Variants in TAF3 observed in about 807,000 individuals in gnomAD.
TAF3 encodes the protein TATA-box binding protein associated factor 3, also known as transcription initiation factor TFIID subunit 3.
In TAF3, 7 loss-of-function variants were observed where a neutral mutation model predicts 80.6. The ratio of observed to expected loss-of-function variants is 0.09; its 90% confidence interval spans 0.05 to 0.16. TAF3 has a LOEUF of 0.16. TAF3 is among the 10% of genes least tolerant of loss of function. The probability of loss-of-function intolerance (pLI) is 1.00; values close to 1 mark genes in which losing one functional copy is unlikely to be tolerated. For synonymous variants in TAF3, 444 were observed against 446.1 expected, an observed-to-expected ratio of 1.00 and a Z score of 0.06; for missense variants, 921 against 1,140.2, an observed-to-expected ratio of 0.81 and a Z score of 2.77.
At chr10:7,977,375 C>T (rs1341893625) in intron 4 of TAF3, 52 bp downstream of exon 4, 6 of 1,552,628 alleles carry the variant, frequency 3.9e-6, no homozygotes, top group Non-Finnish European at 8.9e-7. Flanking sequence ...TTAACCTTCT[C>T]TACTCTTTCC....
intron 2 of TAF3, among the ~76,000 whole-genome samples, chr10:7,841,221 G>T (rs1836909722): frequency 6.6e-6 from 1 of 152,198 alleles, no homozygotes; most frequent in South Asian, 2.1e-4. Flanking sequence ...TATACTGATG[G>T]TGTGCCATTG....
intron 2 of TAF3, among the ~76,000 whole-genome samples, chr10:7,909,837 C>T (rs922522644): frequency 1.3e-5 from 2 of 152,106 alleles, no homozygotes; most frequent in Admixed American, 1.3e-4. Flanking sequence ...TTCCTACTCG[C>T]TGGTAGTGAT....
chr10:7,904,241 T>G (rs1485995675), intron 2 of TAF3, among the ~76,000 whole-genome samples: 1 of 152,192 alleles, frequency 6.6e-6, no homozygotes, highest in Non-Finnish European at 1.5e-5. Flanking sequence ...GGCAGTATGG[T>G]AGTGGCCCAC....
intron 2 of TAF3, among the ~76,000 whole-genome samples, chr10:7,839,311 G>A (rs1342096402): frequency 1.3e-5 from 2 of 152,086 alleles, no homozygotes; most frequent in Non-Finnish European, 2.9e-5. Flanking sequence ...ATTTGCCTCT[G>A]TAACTTACCC....
intron 2 of TAF3, among the ~76,000 whole-genome samples, chr10:7,893,621 G>A (rs992401087): frequency 6.6e-6 from 1 of 151,904 alleles, no homozygotes; most frequent in Non-Finnish European, 1.5e-5. Context: ...CTCCCGTAGC[G>A]AGATCCGTCC....
intron 2 of TAF3, among the ~76,000 whole-genome samples, chr10:7,854,326 A>C (rs2131128557): frequency 6.6e-6 from 1 of 152,304 alleles, no homozygotes; most frequent in Non-Finnish European, 1.5e-5. Flanking sequence ...GCAGCCCCCA[A>C]ACTGCCTACG....
intron 2 of TAF3, among the ~76,000 whole-genome samples, chr10:7,935,545 C>T (rs1277823287): frequency 3.9e-5 from 6 of 152,168 alleles, no homozygotes; most frequent in Non-Finnish European, 8.8e-5. Flanking sequence ...GATCGCGCCA[C>T]TGCACTCCAG....
At chr10:7,919,775 T>G (rs1357641937) in intron 2 of TAF3, among the ~76,000 whole-genome samples, 1 of 152,168 alleles carries the variant, frequency 6.6e-6, no homozygotes, top group Non-Finnish European at 1.5e-5. Flanking sequence ...TTTTCAAATA[T>G]TTTTGATCCA....
At chr10:7,987,134 C>T (rs1366077293) in intron 4 of TAF3, among the ~76,000 whole-genome samples, 1 of 152,078 alleles carries the variant, frequency 6.6e-6, no homozygotes. Context: ...CCAGCCTGGG[C>T]AACGTGACAA....
At chr10:7,934,876 A>G (rs1211147876) in intron 2 of TAF3, among the ~76,000 whole-genome samples, 1 of 152,260 alleles carries the variant, frequency 6.6e-6, no homozygotes, top group Non-Finnish European at 1.5e-5. Flanking sequence ...CCCATGCGGC[A>G]GGCATGTTCT....
intron 2 of TAF3, among the ~76,000 whole-genome samples, chr10:7,940,973 A>T (rs1837970678): frequency 6.6e-6 from 1 of 152,120 alleles, no homozygotes; most frequent in Non-Finnish European, 1.5e-5. Flanking sequence ...AAGAAAAAAA[A>T]AAAGAAGAAA....
At chr10:7,954,963 G>A (rs947637085) in intron 2 of TAF3, among the ~76,000 whole-genome samples, 3 of 144,336 alleles carry the variant, frequency 2.1e-5, no homozygotes, top group African/African-American at 5.1e-5. Flanking sequence ...TAGTTAACAC[G>A]AGCTCTCCAT....
intron 4 of TAF3, among the ~76,000 whole-genome samples, chr10:7,997,396 T>A (rs569074880): frequency 2.1e-4 from 32 of 152,386 alleles, no homozygotes; most frequent in Non-Finnish European, 2.1e-4. Context: ...ATTAAACTTC[T>A]TGTGCAGACA....
chr10:7,956,656 AG>A (rs944774001), intron 2 of TAF3, among the ~76,000 whole-genome samples: 90 of 152,332 alleles, frequency 5.9e-4, no homozygotes, highest in African/African-American at 2.1e-3. Context: ...GTGAATCTCT[AG>A]CTGTGGTGAT....
intron 2 of TAF3, among the ~76,000 whole-genome samples, chr10:7,855,993 G>A (rs559822031): frequency 6.6e-5 from 10 of 151,856 alleles, no homozygotes; most frequent in African/African-American, 2.4e-4. Context: ...GAGAGGACAA[G>A]AAAAGATAAC....
intron 2 of TAF3, among the ~76,000 whole-genome samples, chr10:7,852,340 G>A (rs1837036298): frequency 6.6e-6 from 1 of 152,198 alleles, no homozygotes; most frequent in African/African-American, 2.4e-5. Flanking sequence ...ATTATGTACT[G>A]TTTTTTGAAT....
chr10:7,949,094 T>C (rs1034243913), intron 2 of TAF3, among the ~76,000 whole-genome samples: 2 of 152,232 alleles, frequency 1.3e-5, no homozygotes, highest in African/African-American at 4.8e-5. Context: ...TTTTATCGAC[T>C]GCTCTTGATG....
chr10:7,854,216 A>G (rs923583715), intron 2 of TAF3, among the ~76,000 whole-genome samples: 9 of 152,236 alleles, frequency 5.9e-5, no homozygotes, highest in Admixed American at 5.9e-4. Context: ...TTCAAGGCTC[A>G]TGAGAATTTA....
At chr10:7,871,135 A>G (rs1837261181) in intron 2 of TAF3, among the ~76,000 whole-genome samples, 2 of 152,186 alleles carry the variant, frequency 1.3e-5, no homozygotes, top group South Asian at 2.1e-4. Flanking sequence ...AGTTCACTTA[A>G]AAGTTTCCTA....
Sources: allele counts gnomAD v4.1 joint callset (sites outside exome capture counted in the v4.1 genomes callset), GRCh38; gene constraint gnomAD v4.1.1; transcripts MANE v1.5; gene names NCBI Gene and HGNC (gene_info 2026-07-23, HGNC 2026-07-21).